Variants in SENP7 observed in about 807,000 individuals in gnomAD.
SENP7 encodes SUMO specific peptidase 7.
In SENP7, 64 loss-of-function variants were observed where a neutral mutation model predicts 141.2. That is an observed-to-expected ratio of 0.45 (90% CI 0.37 to 0.56). The LOEUF (loss-of-function observed/expected upper bound fraction) is 0.56. Ranked by LOEUF, SENP7 falls within the 20% of genes least tolerant of loss-of-function variation. SENP7 has a pLI of 0.00. For missense variants in SENP7, 1,025 were observed against 1,212.2 expected (o/e 0.85, Z 2.29); for synonymous variants, 382 against 426.4 (o/e 0.90, Z 1.28).
chr3:101,429,580 AG>A (rs1349441952), intron 4 of SENP7, among the ~76,000 whole-genome samples: 1 of 152,166 alleles, frequency 6.6e-6, no homozygotes, highest in African/African-American at 2.4e-5. Context: ...CAGCTTAAGG[AG>A]ATTTTGGGCT....
rs1559744914 is a variant in SENP7, at chr3:101,380,444, C to CA, written c.678-8319_678-8318insT. ...CGTAAAGCAAACCACCGCCCCCCCC[C>CA]CCACACACACACACAAAACAAAACA... On this transcript the variant is annotated intron_variant, in intron 6 of 23. Coordinates refer to ENST00000394095, the MANE Select transcript of SENP7 (RefSeq NM_020654.5). Among the ~76,000 whole-genome samples, 469 of 107,018 alleles carry CA rather than the reference C, an allele frequency of 4.4e-3. 10 individuals carry two copies. The highest frequency in any genetic ancestry group is 0.012 in the African/African-American group (404 of 32,670). The allele number at this position is 107,018 out of a possible 152,430, so 70.2% of individuals were successfully genotyped here.
intron 5 of SENP7, chr3:101,414,196 C>G: frequency 3.5e-6 from 2 of 572,324 alleles, no homozygotes; most frequent in South Asian, 2.1e-5. Context: ...TATGGCCGCA[C>G]AGCATGGGGC....
intron 11 of SENP7, among the ~76,000 whole-genome samples, chr3:101,360,022 T>C (rs1012005489): frequency 6.6e-6 from 1 of 151,970 alleles, no homozygotes; most frequent in African/African-American, 2.4e-5. Context: ...CTTTTTGCCA[T>C]CAAAAAGAAC....
At chr3:101,432,606 G>A (rs946351931) in intron 4 of SENP7, among the ~76,000 whole-genome samples, 2 of 152,220 alleles carry the variant, frequency 1.3e-5, no homozygotes, top group Non-Finnish European at 2.9e-5. Flanking sequence ...TGTATGTTTG[G>A]TAGAAAGTAA....
intron 6 of SENP7, among the ~76,000 whole-genome samples, chr3:101,391,213 A>C (rs1251752598): frequency 6.6e-6 from 1 of 152,014 alleles, no homozygotes; most frequent in Non-Finnish European, 1.5e-5. Flanking sequence ...CTAAACCCAA[A>C]ATTAGTAGAA....
intron 4 of SENP7, among the ~76,000 whole-genome samples, chr3:101,447,395 C>A (rs1344449282): frequency 6.6e-6 from 1 of 152,020 alleles, no homozygotes; most frequent in East Asian, 1.9e-4. Context: ...TGAGTTATGA[C>A]CATGGCACTG....
At chr3:101,448,679 G>A (rs555622386) in intron 4 of SENP7, among the ~76,000 whole-genome samples, 2 of 152,116 alleles carry the variant, frequency 1.3e-5, no homozygotes, top group Middle Eastern at 3.4e-3. Flanking sequence ...ACTGTTAGAA[G>A]GAAAACTAAC....
At chr3:101,333,212 G>C (rs1240519205) in intron 17 of SENP7, 1 of 211,412 alleles carries the variant, frequency 4.7e-6, no homozygotes, top group Admixed American at 5.9e-5. Context: ...AACCTTAACA[G>C]AATTCTCCAA....
chr3:101,456,961 GT>G (rs1262445383), intron 4 of SENP7, among the ~76,000 whole-genome samples: 2 of 138,462 alleles, frequency 1.4e-5, no homozygotes, highest in Non-Finnish European at 3.3e-5. Context: ...GTTTTGTTTT[GT>G]TTTGTTTTGT....
intron 5 of SENP7, among the ~76,000 whole-genome samples, chr3:101,402,121 C>T (rs1349041932): frequency 2.0e-5 from 3 of 151,998 alleles, no homozygotes; most frequent in Non-Finnish European, 2.9e-5. Flanking sequence ...ATGAAGGTGG[C>T]TACACTAAAC....
At chr3:101,392,439 C>T (rs1332662784) in intron 6 of SENP7, among the ~76,000 whole-genome samples, 4 of 152,072 alleles carry the variant, frequency 2.6e-5, no homozygotes, top group African/African-American at 9.7e-5. Context: ...AGTAATTCCA[C>T]TTAGAATAGC....
chr3:101,417,445 G>T, intron 5 of SENP7, 148 bp downstream of exon 5: 1 of 621,370 alleles, frequency 1.6e-6, no homozygotes, highest in Non-Finnish European at 2.8e-6. Context: ...AATTAAGATA[G>T]GCAGCTTTAA....
chr3:101,464,684 T>C (rs2063702605), intron 3 of SENP7, among the ~76,000 whole-genome samples: 1 of 152,164 alleles, frequency 6.6e-6, no homozygotes. Context: ...TATACTACAA[T>C]GTAATAATAA....
chr3:101,446,196 C>T (rs1323855799), intron 4 of SENP7, among the ~76,000 whole-genome samples: 1 of 152,200 alleles, frequency 6.6e-6, no homozygotes, highest in African/African-American at 2.4e-5. Context: ...TCCTCCTCAC[C>T]TTCTGCCATG....
At chr3:101,485,345 A>G (rs1416730877) in intron 3 of SENP7, among the ~76,000 whole-genome samples, 2 of 152,076 alleles carry the variant, frequency 1.3e-5, no homozygotes, top group African/African-American at 4.8e-5. Context: ...AAGAACCCTC[A>G]TAGAGTCCAT....
intron 23 of SENP7, 88 bp from the exon 24 acceptor site, chr3:101,326,168 GCTAA>G (rs2058893798): frequency 9.1e-7 from 1 of 1,097,268 alleles, no homozygotes; most frequent in African/African-American, 1.6e-5. Flanking sequence ...ATGACAAATT[GCTAA>G]CTTTTTTAAA....
intron 5 of SENP7, among the ~76,000 whole-genome samples, chr3:101,403,273 AAAC>A (rs2061203102): frequency 6.6e-6 from 1 of 152,254 alleles, no homozygotes; most frequent in Non-Finnish European, 1.5e-5. Context: ...ACTATGACTA[AAAC>A]AATGCACATC....
chr3:101,415,417 GCAGTAA>G (rs1365166524), intron 5 of SENP7, among the ~76,000 whole-genome samples: 1 of 151,764 alleles, frequency 6.6e-6, no homozygotes, highest in Non-Finnish European at 1.5e-5. Flanking sequence ...GGACAATCTT[GCAGTAA>G]CACTTTCCCC....
At chr3:101,472,159 C>A (rs2064024857) in intron 3 of SENP7, among the ~76,000 whole-genome samples, 1 of 152,182 alleles carries the variant, frequency 6.6e-6, no homozygotes, top group African/African-American at 2.4e-5. Flanking sequence ...TGGGTATACA[C>A]CCAAAGGATT....
Sources: allele counts gnomAD v4.1 joint callset (sites outside exome capture counted in the v4.1 genomes callset), GRCh38; gene constraint gnomAD v4.1.1; transcripts MANE v1.5; gene names NCBI Gene and HGNC (gene_info 2026-07-23, HGNC 2026-07-21).